FRMD3: variants seen among roughly 807,000 people sequenced by gnomAD.
FRMD3 encodes FERM domain-containing protein 3.
A neutral mutation model predicts 70.2 loss-of-function variants in FRMD3; 33 were observed. The observed-to-expected ratio is 0.47, with a 90% CI of 0.36 to 0.63. The LOEUF (loss-of-function observed/expected upper bound fraction) is 0.63. Among genes scored for constraint, FRMD3 ranks in the 20% least tolerant of loss-of-function variants. FRMD3 has a pLI of 0.00. For missense variants in FRMD3, 632 were observed against 711.4 expected, an observed-to-expected ratio of 0.89 and a Z score of 1.27; for synonymous variants, 279 against 255.9, an observed-to-expected ratio of 1.09 and a Z score of -0.86.
intron 1 of FRMD3, among the ~76,000 whole-genome samples, chr9:83,442,648 G>A (rs959284920): frequency 6.6e-6 from 1 of 151,884 alleles, no homozygotes; most frequent in Non-Finnish European, 1.5e-5. Flanking sequence ...TCAGTGGAGG[G>A]GGGGTACATT....
chr9:83,247,040 T>C lies in FRMD3; in HGVS notation c.*878A>G. On this transcript the variant is annotated 3_prime_UTR_variant, in exon 14 of 14. Coordinates refer to ENST00000304195, the MANE Select transcript of FRMD3 (RefSeq NM_174938.6). ...TACCTTTTTTCCTTTAAACTCTCAC[T>C]TTCTTTTTAAAACATCTGCTTCTCC... 2 of 985,382 alleles carry C rather than the reference T, an allele frequency of 2.0e-6. No individual in the cohort carries two copies. Among genetic ancestry groups the C allele is most frequent in the Non-Finnish European group, 2.4e-6 (2 of 829,904 alleles). 61.0% of individuals were successfully genotyped at this position (985,382 alleles called of 1,614,324 possible). A position where few individuals can be genotyped will look rare whatever the true frequency, so the allele number is the denominator to read the frequency against.
chr9:83,438,690 G>T (rs766166118), intron 1 of FRMD3, among the ~76,000 whole-genome samples: 1 of 152,164 alleles, frequency 6.6e-6, no homozygotes, highest in Non-Finnish European at 1.5e-5. Context: ...GTGAGCCACC[G>T]CATCCAGCAA....
the FRMD3 span, among the ~76,000 whole-genome samples, chr9:83,550,686 T>TAG: frequency 1.3e-5 from 1 of 79,322 alleles, no homozygotes; most frequent in Admixed American, 1.3e-4. Flanking sequence ...TAGTCCTAGG[T>TAG]AGTGTGTGTG....
chr9:83,358,613 AG>A (rs760835486), intron 3 of FRMD3, among the ~76,000 whole-genome samples: 1 of 151,950 alleles, frequency 6.6e-6, no homozygotes, highest in Admixed American at 6.5e-5. Flanking sequence ...TTCTTTCAGC[AG>A]TGTTTTGTAG....
At chr9:83,470,562 T>C (rs536464503) in intron 1 of FRMD3, among the ~76,000 whole-genome samples, 7 of 152,332 alleles carry the variant, frequency 4.6e-5, no homozygotes, top group African/African-American at 1.7e-4. Context: ...TGGATTTGAA[T>C]TGTCAGCCTC....
At chr9:83,371,491 A>G (rs6559720) in intron 3 of FRMD3, among the ~76,000 whole-genome samples, 17,338 of 152,028 alleles carry the variant, frequency 0.11, 1,183 homozygotes, top group African/African-American at 0.17. Flanking sequence ...TAATTTTTGT[A>G]TTTTTAGTAA....
chr9:83,256,976 A>G (rs184892298), intron 13 of FRMD3, among the ~76,000 whole-genome samples: 3 of 152,254 alleles, frequency 2.0e-5, no homozygotes, highest in Admixed American at 2.0e-4. Flanking sequence ...TTCCTTAAAG[A>G]CCTGGAGGCA....
chr9:83,490,220 G>C (rs1185636380), intron 1 of FRMD3, among the ~76,000 whole-genome samples: 2 of 152,170 alleles, frequency 1.3e-5, no homozygotes, highest in Non-Finnish European at 2.9e-5. Flanking sequence ...CACCCCTGGG[G>C]ATGGTTGCAA....
intron 8 of FRMD3, among the ~76,000 whole-genome samples, chr9:83,311,564 G>A (rs76992231): frequency 0.021 from 3,181 of 152,144 alleles, 124 homozygotes; most frequent in African/African-American, 0.073. Flanking sequence ...TTGTTCATGG[G>A]AACTCACACC....
At chr9:83,438,634 A>C (rs1184925229) in intron 1 of FRMD3, among the ~76,000 whole-genome samples, 1 of 152,142 alleles carries the variant, frequency 6.6e-6, no homozygotes, top group East Asian at 1.9e-4. Context: ...TCCTAACCTC[A>C]GGTGATCCAC....
chr9:83,454,003 C>T (rs918473964), intron 1 of FRMD3, among the ~76,000 whole-genome samples: 22 of 152,210 alleles, frequency 1.4e-4, no homozygotes, highest in Non-Finnish European at 2.8e-4. Flanking sequence ...GTGTGAGCCA[C>T]CGCGCCCAGC....
In FRMD3 at chr9:83,261,185, T is replaced by C. The variant is rs73479716; in HGVS notation, c.1196-12669A>G. ...CCATCGCTGCTCCCCAGCTGAAATC[T>C]GGAACACTGCCTCTCATGTAAACAT... is the stretch of plus-strand genomic sequence containing the variant. On this transcript the variant is annotated intron_variant, in intron 13 of 13. Coordinates refer to ENST00000304195, the MANE Select transcript of FRMD3 (RefSeq NM_174938.6). Among the ~76,000 whole-genome samples the C allele has an allele frequency of 7.6e-3, 1,141 of 149,874 alleles. 14 individuals carry two copies. Among genetic ancestry groups the C allele is most frequent in the African/African-American group, 0.027 (1,090 of 40,644 alleles).
At chr9:83,372,453 G>A (rs975870056) in intron 3 of FRMD3, among the ~76,000 whole-genome samples, 5 of 151,892 alleles carry the variant, frequency 3.3e-5, no homozygotes, top group African/African-American at 1.2e-4. Context: ...ATTTTGGGGA[G>A]TTCAAGGAAT....
intron 1 of FRMD3, among the ~76,000 whole-genome samples, chr9:83,422,330 C>T (rs1256795731): frequency 1.3e-5 from 2 of 152,170 alleles, no homozygotes; most frequent in Non-Finnish European, 2.9e-5. Flanking sequence ...TCCACCAATT[C>T]CCAGAAAGCT....
At chr9:83,478,458 C>T (rs1399616769) in intron 1 of FRMD3, among the ~76,000 whole-genome samples, 1 of 152,176 alleles carries the variant, frequency 6.6e-6, no homozygotes, top group African/African-American at 2.4e-5. Flanking sequence ...TGAGATACCA[C>T]TTCACCCCAT....
intron 13 of FRMD3, among the ~76,000 whole-genome samples, chr9:83,282,148 T>C (rs1205244835): frequency 1.3e-5 from 2 of 152,158 alleles, no homozygotes; most frequent in African/African-American, 2.4e-5. Flanking sequence ...CCATGTAACA[T>C]TGGGCAAATT....
At chr9:83,357,225 T>TACA (rs1294870938) in intron 3 of FRMD3, among the ~76,000 whole-genome samples, 1,669 of 14,236 alleles carry the variant, frequency 0.12, 578 homozygotes, top group African/African-American at 0.29. Flanking sequence ...ATATATATAT[T>TACA]TTATATATAT....
In FRMD3 at chr9:83,432,661, C is replaced by A. The variant is rs192348289; in HGVS notation, c.148-42953G>T. ...ACTCATCCAATGCCTGAATAAATAT[C>A]TGTTTGTAAGTTCAATATAAAAGGA... On this transcript the variant is annotated intron_variant, in intron 1 of 13. Coordinates refer to ENST00000304195, the MANE Select transcript of FRMD3 (RefSeq NM_174938.6). Among the ~76,000 whole-genome samples, 28 of 152,296 alleles carry A rather than the reference C, an allele frequency of 1.8e-4. No homozygotes were observed. In the East Asian group the frequency reaches 2.5e-3, roughly 14 times the overall value.
At chr9:83,520,970 CAAAAAAA>C (rs144061788) in intron 1 of FRMD3, among the ~76,000 whole-genome samples, 4 of 56,126 alleles carry the variant, frequency 7.1e-5, no homozygotes, top group Non-Finnish European at 1.0e-4. Context: ...ACTAAAAATA[CAAAAAAA>C]AAAAAAAAAA....
Sources: allele counts gnomAD v4.1 joint callset (sites outside exome capture counted in the v4.1 genomes callset), GRCh38; gene constraint gnomAD v4.1.1; transcripts MANE v1.5; gene names NCBI Gene and HGNC (gene_info 2026-07-23, HGNC 2026-07-21).